Variants in ATP6V1H observed in about 807,000 individuals in gnomAD.
The protein encoded by ATP6V1H is ATPase H+ transporting V1 subunit H, also known as V-type proton ATPase subunit H.
A neutral mutation model predicts 71.7 loss-of-function variants in ATP6V1H; 39 were observed. That is an observed-to-expected ratio of 0.54 (90% CI 0.42 to 0.71). The LOEUF (loss-of-function observed/expected upper bound fraction) is 0.71. Among genes scored for constraint, ATP6V1H ranks in the 30% least tolerant of loss-of-function variants. ATP6V1H has a pLI of 0.00. For missense variants in ATP6V1H, 509 were observed against 594.9 expected (o/e 0.86, Z 1.50); for synonymous variants, 192 against 199.3 (o/e 0.96, Z 0.31).
intron 8 of ATP6V1H, among the ~76,000 whole-genome samples, chr8:53,797,575 C>G (rs1198152818): frequency 1.3e-5 from 2 of 152,180 alleles, no homozygotes; most frequent in Non-Finnish European, 2.9e-5. Flanking sequence ...CTCCTCCAAG[C>G]ATGCAAATTT....
At chr8:53,731,760 G>A (rs569025951) in intron 13 of ATP6V1H, among the ~76,000 whole-genome samples, 11 of 152,368 alleles carry the variant, frequency 7.2e-5, no homozygotes, top group East Asian at 3.9e-4. Flanking sequence ...TTCCCTGACC[G>A]GGAAGCGAGG....
chr8:53,791,000 T>C (rs994012952), intron 9 of ATP6V1H, among the ~76,000 whole-genome samples: 2 of 152,118 alleles, frequency 1.3e-5, no homozygotes, highest in African/African-American at 4.8e-5. Context: ...TTGCAAATGG[T>C]AGATGCTTAA....
chr8:53,739,205 TTTA>T (rs1223469746), intron 13 of ATP6V1H, among the ~76,000 whole-genome samples: 2 of 152,196 alleles, frequency 1.3e-5, no homozygotes, highest in African/African-American at 4.8e-5. Flanking sequence ...AAATGTTATG[TTTA>T]TTAAAAATCA....
chr8:53,825,609 T>A (rs1002726432), intron 4 of ATP6V1H, among the ~76,000 whole-genome samples: 1 of 152,174 alleles, frequency 6.6e-6, no homozygotes, highest in Non-Finnish European at 1.5e-5. Context: ...AATCTAGTTA[T>A]ATAGGGAGGT....
rs552087058 is a variant in ATP6V1H at position 53,821,538 on chromosome 8, G to C, written c.307-4008C>G. ...TCTACTAAAAATACGAAAATTAGCT[G>C]GGCACGGCGGCACACGCCTGTAATA... is the stretch of plus-strand genomic sequence containing the variant. On this transcript the variant is annotated intron_variant, in intron 4 of 13. Coordinates refer to ENST00000359530, the MANE Select transcript of ATP6V1H (RefSeq NM_015941.4). 3.4e-3 allele frequency among the ~76,000 whole-genome samples: 512 copies of C among 151,878 alleles called. 9 individuals are homozygous for C. The highest frequency in any genetic ancestry group is 1.2e-3 in the East Asian group (6 of 5,142).
chr8:53,773,027 G>T (rs1324875644), intron 9 of ATP6V1H, among the ~76,000 whole-genome samples: 1 of 151,600 alleles, frequency 6.6e-6, no homozygotes, highest in Non-Finnish European at 1.5e-5. Context: ...TGCAAAAAGT[G>T]ATTTAGCTTA....
At chr8:53,788,818 A>G (rs1809468305) in intron 9 of ATP6V1H, among the ~76,000 whole-genome samples, 2 of 152,178 alleles carry the variant, frequency 1.3e-5, no homozygotes, top group South Asian at 2.1e-4. Context: ...GATTTCCATA[A>G]AGGTACATAA....
chr8:53,739,136 TA>T (rs1409184191), intron 13 of ATP6V1H, among the ~76,000 whole-genome samples: 1 of 151,462 alleles, frequency 6.6e-6, no homozygotes, highest in African/African-American at 2.5e-5. Context: ...GAAATTAATT[TA>T]GAAATTAGAA....
Position 53,839,838 on chromosome 8 carries a change from TA to T in ATP6V1H, c.113+1739del, listed in dbSNP as rs1010398507. On this transcript the variant is annotated intron_variant, in intron 2 of 13. Transcript: ENST00000359530. The stretch of plus-strand genomic sequence containing the variant: ...CATATCAATCATGGGCTTCACAGCT[TA>T]AAAATCAGCTTGAAAAGCACTGACT... The T allele has an allele frequency of 2.0e-5, 20 of 985,338 alleles. No homozygotes were observed. The African/African-American group carries it at 3.5e-4, about 17-fold the overall frequency. The allele number at this position is 985,338 out of a possible 1,614,324, so 61.0% of individuals were successfully genotyped here.
At chr8:53,839,519 A>T in intron 2 of ATP6V1H, 1 of 818,970 alleles carries the variant, frequency 1.2e-6, no homozygotes, top group African/African-American at 1.9e-5. Context: ...CCACACACCA[A>T]ATCAATCACT....
chr8:53,795,727 T>C lies in ATP6V1H; in HGVS notation c.790A>G (p.Asn264Asp). 1.9e-6 allele frequency: 3 copies of C among 1,613,984 alleles called. No homozygotes were observed. The highest frequency in any genetic ancestry group is 2.5e-6 in the Non-Finnish European group (3 of 1,179,910). ...PQMCEHLRRY[N>D]IIPVLSDILQ... Reference sequence around the variant, plus strand: ...ATATCAGACAGAACTGGAATGATATTATAGCGCCGCAGGTGTTCACACATT... The same window carrying C: ...ATATCAGACAGAACTGGAATGATATCATAGCGCCGCAGGTGTTCACACATT... The change falls in exon 9 of 14, where the codon AAT (asparagine) becomes GAT (aspartate). Residue 264 changes from asparagine (N) to aspartate (D), a missense_variant. Asn to Asp is a conservative substitution (Grantham distance 23). This residue lies in a region of ATP6V1H where 212 missense variants were observed against 291.6 expected (regional missense o/e 0.73). Transcript: ENST00000359530.
intron 13 of ATP6V1H, among the ~76,000 whole-genome samples, chr8:53,736,326 C>T (rs979601279): frequency 2.6e-5 from 4 of 152,132 alleles, no homozygotes; most frequent in Non-Finnish European, 5.9e-5. Flanking sequence ...AAAACATTGC[C>T]GGCAGCCTAG....
chr8:53,829,005 G>T (rs1031977730), intron 4 of ATP6V1H, among the ~76,000 whole-genome samples: 1 of 152,134 alleles, frequency 6.6e-6, no homozygotes, highest in Non-Finnish European at 1.5e-5. Context: ...AAACGTTTTC[G>T]ATGATAAGCA....
chr8:53,751,877 T>C (rs930359849), intron 12 of ATP6V1H, among the ~76,000 whole-genome samples: 11 of 151,810 alleles, frequency 7.2e-5, no homozygotes, highest in African/African-American at 2.7e-4. Flanking sequence ...ACCATATTGG[T>C]CAGGCTGTTC....
chr8:53,784,768 A>T (rs914224321), intron 9 of ATP6V1H, among the ~76,000 whole-genome samples: 1 of 152,174 alleles, frequency 6.6e-6, no homozygotes, highest in African/African-American at 2.4e-5. Flanking sequence ...GCTTGTCTGT[A>T]AATGATTTTA....
At chr8:53,795,419 C>A (rs1212849719) in intron 9 of ATP6V1H, among the ~76,000 whole-genome samples, 1 of 152,172 alleles carries the variant, frequency 6.6e-6, no homozygotes, top group African/African-American at 2.4e-5. Flanking sequence ...CATTTCCCTA[C>A]AAGCATACTG....
chr8:53,758,947 C>G (rs1808169016), intron 11 of ATP6V1H, among the ~76,000 whole-genome samples: 1 of 152,206 alleles, frequency 6.6e-6, no homozygotes, highest in Admixed American at 6.5e-5. Context: ...CGTTGCCAAT[C>G]CCTGCCTTAA....
At position 53,833,027 on chromosome 8, in the gene ATP6V1H, C is replaced by T; in HGVS notation, c.173G>A (p.Ser58Asn). The T allele has an allele frequency of 6.2e-7, 1 of 1,613,796 alleles. No individual in the cohort carries two copies. ...EFIQRFEMKR[S>N]PEEKQEMLQT... ...AAGCATCTCTTGCTTCTCTTCAGGG[C>T]TTCGTTTCATTTCAAACCTCTGAAT... The change falls in exon 3 of 14, where the codon AGC becomes AAC. Residue 58 changes from serine (S) to asparagine (N), a missense_variant. Coordinates refer to ENST00000359530, the MANE Select transcript of ATP6V1H (RefSeq NM_015941.4).
chr8:53,792,661 A>G (rs1809603431), intron 9 of ATP6V1H, among the ~76,000 whole-genome samples: 1 of 152,250 alleles, frequency 6.6e-6, no homozygotes, highest in Non-Finnish European at 1.5e-5. Context: ...GAGCTGGCAG[A>G]TCTCAGTGAA....
Sources: gnomAD v4.1 joint callset for allele counts (sites outside exome capture counted in the v4.1 genomes callset) on GRCh38, gnomAD v4.1.1 for gene constraint, gnomAD v4.1.1 regional missense constraint, MANE v1.5 for transcripts, NCBI Gene and HGNC (gene_info 2026-07-23, HGNC 2026-07-21) for gene names.